The following GIT2 variants were observed in gnomAD, a reference collection of about 807,000 sequenced individuals.
GIT2 encodes ARF GTPase-activating protein GIT2.
Under a neutral mutation model 100.3 loss-of-function variants are expected in GIT2, and 32 were observed. The observed-to-expected ratio is 0.32, with a 90% CI of 0.24 to 0.43. The LOEUF (loss-of-function observed/expected upper bound fraction) is 0.43, where lower values mean the gene tolerates loss of function less well. Among genes scored for constraint, GIT2 ranks in the 20% least tolerant of loss-of-function variants. The pLI, the probability that GIT2 is intolerant of heterozygous loss-of-function variation, is 1.00. For missense variants in GIT2, 737 were observed against 975.1 expected, an observed-to-expected ratio of 0.76 and a Z score of 3.25; for synonymous variants, 353 against 364.1, an observed-to-expected ratio of 0.97 and a Z score of 0.35.
chr12:109,951,033 A>C, intron 14 of GIT2, 134 bp downstream of exon 14: 2 of 776,236 alleles, frequency 2.6e-6, no homozygotes, highest in Non-Finnish European at 4.3e-6. Flanking sequence ...TCAAAAAGAC[A>C]ACTTGGCCCA....
At chr12:109,973,615 T>C (rs1260139843) in intron 7 of GIT2, among the ~76,000 whole-genome samples, 1 of 152,212 alleles carries the variant, frequency 6.6e-6, no homozygotes, top group African/African-American at 2.4e-5. Context: ...TCTTTCAGTT[T>C]CATTGATTTT....
At chr12:109,935,888 C>A (rs945257472) in intron 18 of GIT2, among the ~76,000 whole-genome samples, 3 of 152,192 alleles carry the variant, frequency 2.0e-5, no homozygotes, top group Non-Finnish European at 2.9e-5. Context: ...AAGCCCTCCT[C>A]CTCTAACAGG....
rs887037618 is a variant in GIT2, at chr12:109,938,650, T to C, written c.1815-82A>G. 9 of 942,980 alleles carry C rather than the reference T, an allele frequency of 9.5e-6. No homozygotes were observed. The African/African-American group carries it at 1.3e-4, about 14-fold the overall frequency. The allele number at this position is 942,980 out of a possible 1,614,324, so 58.4% of individuals were successfully genotyped here. ...CTTCTAGGAGCCACTTTGTATGCAC[T>C]GGCTAAATGCATGAGCAGGCTGGTC... On this transcript the variant is annotated intron_variant, in intron 17 of 19. Coordinates refer to ENST00000355312, the MANE Select transcript of GIT2 (RefSeq NM_057169.5).
chr12:109,976,458 G>A (rs967397907), intron 7 of GIT2, among the ~76,000 whole-genome samples: 1 of 150,626 alleles, frequency 6.6e-6, no homozygotes, highest in Non-Finnish European at 1.5e-5. Flanking sequence ...CTAATTTTTT[G>A]TATTTGTAGT....
chr12:109,988,862 A>AG (rs2136932299), intron 4 of GIT2, 101 bp downstream of exon 4: 1 of 595,950 alleles, frequency 1.7e-6, no homozygotes, highest in East Asian at 3.2e-5. Flanking sequence ...AAAAAAAAAA[A>AG]AAAAAAAAAG....
chr12:109,932,919 G>T lies in GIT2; in HGVS notation c.*59C>A. 1.0e-6 allele frequency: 1 copy of T among 955,538 alleles called. No individual in the cohort carries two copies. The highest frequency in any genetic ancestry group is 1.7e-6 in the Non-Finnish European group (1 of 584,590). The allele number at this position is 955,538 out of a possible 1,614,324, so 59.2% of individuals were successfully genotyped here. ...TAGAAATCTGAAGAGTTCTGCGTCT[G>T]AATTTGAAATTGGACTTTATAAAGC... is the stretch of plus-strand genomic sequence containing the variant. On this transcript the variant is annotated 3_prime_UTR_variant, in exon 20 of 20. Transcript: ENST00000355312.
At chr12:109,987,925 A>C (rs978459484) in intron 4 of GIT2, among the ~76,000 whole-genome samples, 1 of 152,198 alleles carries the variant, frequency 6.6e-6, no homozygotes, top group Non-Finnish European at 1.5e-5. Flanking sequence ...CTCGTTTTAC[A>C]AGTATCATAA....
At chr12:109,997,879 A>G (rs915341210), upstream of GIT2, 2 of 152,254 alleles carry the variant, frequency 1.3e-5, no homozygotes, top group African/African-American at 4.8e-5. Context: ...AGTGTGAAGG[A>G]GAAAGGAGAT....
At chr12:109,965,498 G>A in intron 9 of GIT2, 28 bp downstream of exon 9, 1 of 1,419,460 alleles carries the variant, frequency 7.0e-7, no homozygotes, top group Non-Finnish European at 9.9e-7. Context: ...TCTCATACTA[G>A]AGAAAACCAG....
At chr12:109,964,820 G>C (rs1340596912) in intron 9 of GIT2, among the ~76,000 whole-genome samples, 1 of 152,152 alleles carries the variant, frequency 6.6e-6, no homozygotes, top group Non-Finnish European at 1.5e-5. Flanking sequence ...GGTTAAAGTG[G>C]AGAGAAGTGC....
At chr12:109,952,501 G>A (rs777143398) in intron 13 of GIT2, 5 of 518,914 alleles carry the variant, frequency 9.6e-6, no homozygotes, top group East Asian at 5.5e-5. Context: ...CTCTTCCGTC[G>A]GGTGTCATAC....
Position 109,933,011 on chromosome 12 carries a change from C to T in GIT2, c.2247G>A (p.Leu749=). The T allele has an allele frequency of 6.2e-7, 1 of 1,612,824 alleles. No homozygotes were observed. Among genetic ancestry groups the T allele is most frequent in the Non-Finnish European group, 8.5e-7 (1 of 1,178,938 alleles). Reference sequence around the variant, plus strand: ...TGTTCTCTTTGGTGGTGATGGTAACCAGCTGCTTGGCAGCCTTGGCGATGT... The same window carrying T: ...TGTTCTCTTTGGTGGTGATGGTAACTAGCTGCTTGGCAGCCTTGGCGATGT... ...AYDIAKAAKQ[L]VTITTKENNN is the part of the protein sequence containing the mutation. The change falls in exon 20 of 20, where the codon CTG becomes CTA. Residue 749 remains leucine (L), a synonymous_variant. Coordinates refer to ENST00000355312, the MANE Select transcript of GIT2 (RefSeq NM_057169.5). The surrounding 1 kb of genome is among the most constrained non-coding windows in gnomAD (Gnocchi z 4.5).
chr12:109,933,344 G>A lies in GIT2; in HGVS notation c.2068-154C>T. 1.7e-6 allele frequency: 1 copy of A among 594,460 alleles called. No individual in the cohort carries two copies. The highest frequency in any genetic ancestry group is 2.9e-5 in the Admixed American group (1 of 34,320). The allele number at this position is 594,460 out of a possible 1,614,324, so 36.8% of individuals were successfully genotyped here. On this transcript the variant is annotated intron_variant, in intron 19 of 19. Transcript: ENST00000355312. This position sits in a 1 kb window ranked among gnomAD's most constrained non-coding sequence, Gnocchi z 4.5. ...CAAAGGGGTGCTTCACACACTCCAA[G>A]CTTTGCAGCCCACAGCGTAAGAGAT...
At chr12:109,977,157 G>T (rs1328553266) in intron 7 of GIT2, among the ~76,000 whole-genome samples, 1 of 151,940 alleles carries the variant, frequency 6.6e-6, no homozygotes, top group Non-Finnish European at 1.5e-5. Flanking sequence ...ATAGAGTTCT[G>T]GGTTCACAGC....
chr12:109,951,660 T>C (rs111835427), intron 13 of GIT2, among the ~76,000 whole-genome samples: 1,900 of 152,326 alleles, frequency 0.012, 24 homozygotes, highest in Non-Finnish European at 0.017. Context: ...TCCAACATTT[T>C]CATTGAACAT....
Position 109,947,781 on chromosome 12 carries a change from T to G in GIT2, c.1393-277A>C. The G allele has an allele frequency of 2.6e-6, 1 of 383,506 alleles. No homozygotes were observed. Among genetic ancestry groups the G allele is most frequent in the South Asian group, 3.2e-5 (1 of 31,540 alleles). 23.8% of individuals were successfully genotyped at this position (383,506 alleles called of 1,614,324 possible). A position where few individuals can be genotyped will look rare whatever the true frequency, so the allele number is the denominator to read the frequency against. On this transcript the variant is annotated intron_variant, in intron 14 of 19. Coordinates refer to ENST00000355312, the MANE Select transcript of GIT2 (RefSeq NM_057169.5). The surrounding 1 kb of genome is among the most constrained non-coding windows in gnomAD (Gnocchi z 4.3). ...CTCAAAACAAAATGTCTAACCACTTTAAAATTTGTCATGGTGGGGCTGGGA... is the reference window on the plus strand; with the variant it reads ...CTCAAAACAAAATGTCTAACCACTTGAAAATTTGTCATGGTGGGGCTGGGA...
In GIT2 at chr12:109,948,616, G is replaced by A; in HGVS notation, c.1393-1112C>T. 1.4e-6 allele frequency: 2 copies of A among 1,416,522 alleles called. No individual in the cohort carries two copies. Among genetic ancestry groups the A allele is most frequent in the Non-Finnish European group, 1.8e-6 (2 of 1,093,706 alleles). 87.7% of individuals were successfully genotyped at this position (1,416,522 alleles called of 1,614,324 possible). ...ATTCTATAAGCTGGGTGTGGTGTGA[G>A]TTCAGCTGTCTACTCTTTGACAGAG... On this transcript the variant is annotated intron_variant, in intron 14 of 19. Coordinates refer to ENST00000355312, the MANE Select transcript of GIT2 (RefSeq NM_057169.5). This position sits in a 1 kb window ranked among gnomAD's most constrained non-coding sequence, Gnocchi z 4.3.
chr12:109,940,251 T>C (rs1213396549), intron 16 of GIT2: 2 of 152,236 alleles, frequency 1.3e-5, no homozygotes, highest in Non-Finnish European at 2.9e-5. Context: ...GGGGACTTTA[T>C]TCCTTCGAAG....
chr12:109,956,441 G>T (rs1333983791), intron 12 of GIT2, among the ~76,000 whole-genome samples: 1 of 152,160 alleles, frequency 6.6e-6, no homozygotes, highest in African/African-American at 2.4e-5. Context: ...GCAGAAACAA[G>T]AAGTCAAGGA....
Sources: gnomAD v4.1 joint callset for allele counts (sites outside exome capture counted in the v4.1 genomes callset) on GRCh38, gnomAD v4.1.1 for gene constraint, Gnocchi (gnomAD v3.1) non-coding constraint, MANE v1.5 for transcripts, NCBI Gene and HGNC (gene_info 2026-07-23, HGNC 2026-07-21) for gene names.